CNIH3: variants seen among roughly 807,000 people sequenced by gnomAD.
CNIH3 encodes the protein cornichon family AMPA receptor auxiliary protein 3.
A neutral mutation model predicts 24.1 loss-of-function variants in CNIH3; 14 were observed. The observed-to-expected ratio is 0.58, with a 90% confidence interval of 0.38 to 0.91. The LOEUF (loss-of-function observed/expected upper bound fraction) is 0.91, where lower values mean the gene tolerates loss of function less well. CNIH3 is among the 40% of genes least tolerant of loss of function. The pLI is 0.00. For missense variants in CNIH3, 178 were observed against 196.8 expected (o/e 0.90, Z 0.57); for synonymous variants, 68 against 73.8 (o/e 0.92, Z 0.40).
At chr1:224,484,899 G>T (rs1447721352) in intron 1 of CNIH3, among the ~76,000 whole-genome samples, 1 of 152,120 alleles carries the variant, frequency 6.6e-6, no homozygotes, top group African/African-American at 2.4e-5. Context: ...TAGTTGTAAT[G>T]ATTATTTTTT....
intron 3 of CNIH3, among the ~76,000 whole-genome samples, chr1:224,597,657 C>T (rs2125037467): frequency 6.6e-6 from 1 of 152,264 alleles, no homozygotes; most frequent in African/African-American, 2.4e-5. Flanking sequence ...GGCATGGAAG[C>T]TCTCCATCCC....
At chr1:224,470,178 C>T (rs890326268) in intron 1 of CNIH3, among the ~76,000 whole-genome samples, 1 of 151,974 alleles carries the variant, frequency 6.6e-6, no homozygotes, top group Non-Finnish European at 1.5e-5. Flanking sequence ...GCCACCATGC[C>T]CGGCTAATTT....
intron 1 of CNIH3, among the ~76,000 whole-genome samples, chr1:224,482,772 C>T (rs927798828): frequency 9.2e-5 from 14 of 152,114 alleles, no homozygotes; most frequent in African/African-American, 3.4e-4. Context: ...TCGTGTGCTC[C>T]TCAGGTCCTT....
At chr1:224,656,489 A>T (rs1002707965) in intron 1 of CNIH3, among the ~76,000 whole-genome samples, 1 of 152,140 alleles carries the variant, frequency 6.6e-6, no homozygotes, top group African/African-American at 2.4e-5. Context: ...GGAAAAGTTC[A>T]TGTTCCCTTT....
At chr1:224,689,777 T>A (rs994761765) in intron 3 of CNIH3, among the ~76,000 whole-genome samples, 1 of 152,260 alleles carries the variant, frequency 6.6e-6, no homozygotes, top group Non-Finnish European at 1.5e-5. Flanking sequence ...TTTAGCTCTA[T>A]AATTATCAGA....
chr1:224,453,228 T>G (rs1675500818), intron 1 of CNIH3, among the ~76,000 whole-genome samples: 1 of 152,134 alleles, frequency 6.6e-6, no homozygotes, highest in Non-Finnish European at 1.5e-5. Flanking sequence ...TGGAGTGCAG[T>G]GGTGTGATCA....
chr1:224,693,953 C>T (rs1443735113), intron 3 of CNIH3, among the ~76,000 whole-genome samples: 1 of 152,168 alleles, frequency 6.6e-6, no homozygotes, highest in Admixed American at 6.5e-5. Flanking sequence ...TTGAAAATGC[C>T]CCATGGGGGG....
chr1:224,674,417 T>C (rs1050025832), intron 1 of CNIH3, among the ~76,000 whole-genome samples: 3 of 151,704 alleles, frequency 2.0e-5, no homozygotes, highest in Non-Finnish European at 4.4e-5. Flanking sequence ...AAGCATGAGA[T>C]GCTTTATAGA....
At chr1:224,525,654 A>G (rs764439717) in intron 2 of CNIH3, among the ~76,000 whole-genome samples, 1 of 152,208 alleles carries the variant, frequency 6.6e-6, no homozygotes, top group Non-Finnish European at 1.5e-5. Flanking sequence ...TGGGCCTAGG[A>G]TAGCATGGAA....
chr1:224,680,472 G>A (rs972014484), intron 1 of CNIH3, among the ~76,000 whole-genome samples: 2 of 152,150 alleles, frequency 1.3e-5, no homozygotes, highest in African/African-American at 4.8e-5. Flanking sequence ...TGGACATCTA[G>A]ACATTTGGTT....
At chr1:224,506,954 T>C (rs1677945917) in intron 1 of CNIH3, among the ~76,000 whole-genome samples, 1 of 152,104 alleles carries the variant, frequency 6.6e-6, no homozygotes, top group Non-Finnish European at 1.5e-5. Context: ...CCTCAACTTC[T>C]TGGGGCTCAG....
chr1:224,514,713 C>A (rs1678308036), upstream of CNIH3, among the ~76,000 whole-genome samples: 1 of 152,100 alleles, frequency 6.6e-6, no homozygotes, highest in Non-Finnish European at 1.5e-5. Context: ...AGCCTGTAGT[C>A]CCAGCCACTT....
At chr1:224,454,458 A>T in intron 1 of CNIH3, 1 of 385,072 alleles carries the variant, frequency 2.6e-6, no homozygotes, top group Non-Finnish European at 3.6e-6. Flanking sequence ...GTCTGTTTAC[A>T]TTTCTGGTCC....
chr1:224,481,930 G>A (rs1409224024), intron 1 of CNIH3, among the ~76,000 whole-genome samples: 1 of 152,206 alleles, frequency 6.6e-6, no homozygotes, highest in Non-Finnish European at 1.5e-5. Flanking sequence ...TTCTACTGTG[G>A]CTGAGCTGGC....
At chr1:224,448,767 T>C (rs978822820) in intron 1 of CNIH3, among the ~76,000 whole-genome samples, 1 of 152,156 alleles carries the variant, frequency 6.6e-6, no homozygotes, top group Non-Finnish European at 1.5e-5. Context: ...GATAAACTCA[T>C]ATTTATGCTA....
downstream of CNIH3, among the ~76,000 whole-genome samples, chr1:224,588,968 G>GTTTTTTTTTTTTT (rs974335950): frequency 1.9e-3 from 209 of 112,270 alleles, 9 homozygotes; most frequent in South Asian, 7.3e-3. Context: ...CTGACCCCCT[G>GTTTTTTTTTTTTT]TTTTTTTTTT....
intron 2 of CNIH3, among the ~76,000 whole-genome samples, chr1:224,524,317 A>G (rs1019741956): frequency 6.6e-6 from 1 of 152,198 alleles, no homozygotes; most frequent in African/African-American, 2.4e-5. Flanking sequence ...ACAGACCATG[A>G]TGTACATAAA....
intron 2 of CNIH3, among the ~76,000 whole-genome samples, chr1:224,543,467 G>T (rs554559904): frequency 6.6e-6 from 1 of 152,130 alleles, no homozygotes; most frequent in African/African-American, 2.4e-5. Context: ...GTAGCTAGTT[G>T]GTCAGAAGTG....
intron 1 of CNIH3, among the ~76,000 whole-genome samples, chr1:224,654,152 C>T (rs940305372): frequency 7.2e-5 from 11 of 151,854 alleles, no homozygotes; most frequent in East Asian, 5.8e-4. Context: ...GAGGCCAAGG[C>T]GGGCGGATCA....
Sources: allele counts gnomAD v4.1 joint callset (sites outside exome capture counted in the v4.1 genomes callset), GRCh38; gene constraint gnomAD v4.1.1; transcripts MANE v1.5; gene names NCBI Gene and HGNC (gene_info 2026-07-23, HGNC 2026-07-21).